Variants in DUSP16 observed in about 807,000 individuals in gnomAD.
DUSP16 encodes dual specificity phosphatase 16, also known as dual specificity protein phosphatase 16.
In DUSP16, 21 loss-of-function variants were observed where a neutral mutation model predicts 58.3. That is an observed-to-expected ratio of 0.36 (90% CI 0.26 to 0.52). The LOEUF is 0.52. DUSP16 is among the 20% of genes least tolerant of loss of function. The pLI, the probability that DUSP16 is intolerant of heterozygous loss-of-function variation, is 0.94. For synonymous variants in DUSP16, 320 were observed against 323.8 expected, an observed-to-expected ratio of 0.99 and a Z score of 0.12; for missense variants, 726 against 819.0, an observed-to-expected ratio of 0.89 and a Z score of 1.39.
At chr12:12,484,381 T>G (rs1051285215) in intron 5 of DUSP16, among the ~76,000 whole-genome samples, 2 of 152,198 alleles carry the variant, frequency 1.3e-5, no homozygotes, top group African/African-American at 4.8e-5. Flanking sequence ...TGAATGAAAG[T>G]GGCAGGATGA....
intron 4 of DUSP16, among the ~76,000 whole-genome samples, chr12:12,499,876 T>C (rs537984275): frequency 6.6e-6 from 1 of 152,196 alleles, no homozygotes; most frequent in South Asian, 2.1e-4. Flanking sequence ...TGTACCATCA[T>C]ATACAAAGGC....
intron 1 of DUSP16, among the ~76,000 whole-genome samples, chr12:12,552,809 C>G (rs1254134654): frequency 1.3e-5 from 2 of 152,068 alleles, no homozygotes; most frequent in African/African-American, 2.4e-5. Flanking sequence ...GAGACACAGT[C>G]TCGCTCTGTC....
chr12:12,509,812 A>G (rs532790465), intron 3 of DUSP16, among the ~76,000 whole-genome samples: 1 of 152,306 alleles, frequency 6.6e-6, no homozygotes, highest in Non-Finnish European at 1.5e-5. Flanking sequence ...GGTGTTCCGA[A>G]GGATTTCCTG....
At chr12:12,518,419 A>T (rs1468068551) in intron 3 of DUSP16, among the ~76,000 whole-genome samples, 2 of 152,066 alleles carry the variant, frequency 1.3e-5, no homozygotes, top group African/African-American at 4.8e-5. Flanking sequence ...AGGCTGAGGC[A>T]GGAGAATCGC....
chr12:12,542,505 CAG>C (rs930988498), intron 1 of DUSP16, among the ~76,000 whole-genome samples: 4 of 151,278 alleles, frequency 2.6e-5, no homozygotes, highest in Admixed American at 6.6e-5. Flanking sequence ...ACCTAATGTG[CAG>C]AGTTTGTTTT....
chr12:12,489,061 CAA>C (rs1428033363), intron 4 of DUSP16, among the ~76,000 whole-genome samples: 4 of 152,174 alleles, frequency 2.6e-5, no homozygotes, highest in East Asian at 1.9e-4. Context: ...GCCTGGGCAA[CAA>C]GAGCAAAACT....
At chr12:12,501,198 C>G (rs1448805724) in intron 3 of DUSP16, among the ~76,000 whole-genome samples, 1 of 152,202 alleles carries the variant, frequency 6.6e-6, no homozygotes, top group African/African-American at 2.4e-5. Flanking sequence ...CACAAACATA[C>G]TCCCACCTAC....
In DUSP16 at chr12:12,561,753, C is replaced by T. The variant is rs532057320; in HGVS notation, c.-366+364G>A. On this transcript the variant is annotated intron_variant, in intron 1 of 6. Coordinates refer to ENST00000298573, the MANE Select transcript of DUSP16 (RefSeq NM_030640.3). ...TGAGCAGCTTCGCCCGCAAAGGTGC[C>T]GCGTCCCGCGGCGGCCGCTCCTCTC... Among the ~76,000 whole-genome samples, 229 of 152,070 alleles carry T rather than the reference C, an allele frequency of 1.5e-3. 2 individuals are homozygous for T. Among genetic ancestry groups the T allele is most frequent in the African/African-American group, 5.3e-3 (221 of 41,542 alleles).
At chr12:12,500,719 C>A (rs1429039200) in intron 3 of DUSP16, 37 bp from the exon 4 acceptor site, 1 of 1,478,106 alleles carries the variant, frequency 6.8e-7, no homozygotes, top group South Asian at 1.4e-5. Context: ...AAAAATTATG[C>A]CACGCACAAA....
At chr12:12,502,861 T>C (rs11054940) in intron 3 of DUSP16, among the ~76,000 whole-genome samples, 82,072 of 151,914 alleles carry the variant, frequency 0.54, 22,485 homozygotes, top group East Asian at 0.71. Flanking sequence ...ATAAAACTCA[T>C]TGTTATTTCA....
At position 12,497,748 on chromosome 12, in the gene DUSP16, G is replaced by A. The variant is rs532877240; in HGVS notation, c.531+2771C>T. On this transcript the variant is annotated intron_variant, in intron 4 of 6. Transcript: ENST00000298573. The stretch of plus-strand genomic sequence containing the variant: ...GCACTTTGGGAGGCTGAGGCGGGCG[G>A]ATCACGAGGTCAGGAGATCGAGACC... Among the ~76,000 whole-genome samples the A allele has an allele frequency of 8.0e-4, 121 of 151,734 alleles. 1 individual carries two copies. Among genetic ancestry groups the A allele is most frequent in the Non-Finnish European group, 1.2e-3 (80 of 67,930 alleles).
Position 12,515,105 on chromosome 12 carries a change from C to A in DUSP16, c.367+4757G>T, listed in dbSNP as rs370609746. On this transcript the variant is annotated intron_variant, in intron 3 of 6. Coordinates refer to ENST00000298573, the MANE Select transcript of DUSP16 (RefSeq NM_030640.3). ...AAGAAAAAATATATAGTTTATTCTG[C>A]CAATATTTTCCTATAATTCTAATTA... Among the ~76,000 whole-genome samples the A allele has an allele frequency of 1.7e-4, 26 of 152,078 alleles. No individual in the cohort carries two copies. The East Asian group carries it at 2.3e-3, about 14-fold the overall frequency.
rs1592176300 is a variant in DUSP16 at position 12,499,178 on chromosome 12, G to A, written c.531+1341C>T. ...CTGATGGCTGGTTAAGGTTTACCAG[G>A]ATTAAACAGGATTCTTAACTAGGAA... On this transcript the variant is annotated intron_variant, in intron 4 of 6. Transcript: ENST00000298573. Among the ~76,000 whole-genome samples the A allele has an allele frequency of 2.0e-5, 3 of 152,318 alleles. No homozygotes were observed. In the East Asian group the frequency reaches 5.8e-4, roughly 29 times the overall value.
At chr12:12,481,441 T>C (rs887500590) in intron 5 of DUSP16, among the ~76,000 whole-genome samples, 1 of 152,202 alleles carries the variant, frequency 6.6e-6, no homozygotes, top group African/African-American at 2.4e-5. Flanking sequence ...TTTTCATTCT[T>C]GGTAGATACT....
chr12:12,524,219 T>C (rs1944272343), intron 1 of DUSP16, among the ~76,000 whole-genome samples: 1 of 152,176 alleles, frequency 6.6e-6, no homozygotes, highest in Non-Finnish European at 1.5e-5. Context: ...AAAAAGACCC[T>C]TTCCCTGACC....
rs1944231462 is a variant in DUSP16 at position 12,521,177 on chromosome 12, G to A, written c.-79C>T. 1 of 1,551,418 alleles carries A rather than the reference G, an allele frequency of 6.4e-7. No homozygotes were observed. Among genetic ancestry groups the A allele is most frequent in the Admixed American group, 1.9e-5 (1 of 51,880 alleles). On this transcript the variant is annotated 5_prime_UTR_variant, in exon 2 of 7. Transcript: ENST00000298573. Reference sequence around the variant, plus strand: ...TAATGGTGGTGTGCTCAAAGGCTCAGCCACTCCATTGTACTAAAAGTGTAT... The same window carrying A: ...TAATGGTGGTGTGCTCAAAGGCTCAACCACTCCATTGTACTAAAAGTGTAT...
chr12:12,520,797 G>C (rs1181801961), intron 2 of DUSP16, 74 bp downstream of exon 2: 6 of 1,540,476 alleles, frequency 3.9e-6, no homozygotes, highest in Admixed American at 1.9e-5. Flanking sequence ...TACTTAAAGA[G>C]GAGGCTTCAA....
chr12:12,531,423 C>A (rs552735117), intron 1 of DUSP16, among the ~76,000 whole-genome samples: 109 of 152,310 alleles, frequency 7.2e-4, no homozygotes, highest in African/African-American at 2.5e-3. Context: ...TGACTTATGG[C>A]TGGGCATGGT....
At chr12:12,526,537 C>A (rs922976103) in intron 1 of DUSP16, among the ~76,000 whole-genome samples, 1 of 152,168 alleles carries the variant, frequency 6.6e-6, no homozygotes, top group Non-Finnish European at 1.5e-5. Flanking sequence ...AAGAGAACAA[C>A]ATAAAGTCTG....
Sources: allele counts gnomAD v4.1 joint callset (sites outside exome capture counted in the v4.1 genomes callset), GRCh38; gene constraint gnomAD v4.1.1; transcripts MANE v1.5; gene names NCBI Gene and HGNC (gene_info 2026-07-23, HGNC 2026-07-21).